The following SLC9A9 variants were observed in gnomAD, a reference collection of about 807,000 sequenced individuals.
SLC9A9 encodes sodium/hydrogen exchanger 9.
SLC9A9 carries 62 observed loss-of-function variants against 77.8 expected under a neutral mutation model. The observed-to-expected ratio is 0.80, with a 90% CI of 0.65 to 0.98. SLC9A9 has a LOEUF of 0.98. Among genes scored for constraint, SLC9A9 ranks in the 50% least tolerant of loss-of-function variants. The pLI, the probability that SLC9A9 is intolerant of heterozygous loss-of-function variation, is 0.00. For synonymous variants in SLC9A9, 320 were observed against 283.5 expected, an observed-to-expected ratio of 1.13 and a Z score of -1.29; for missense variants, 775 against 774.9, an observed-to-expected ratio of 1.00 and a Z score of 0.00.
At chr3:143,768,914 T>C (rs1000577130) in intron 4 of SLC9A9, among the ~76,000 whole-genome samples, 1 of 152,344 alleles carries the variant, frequency 6.6e-6, no homozygotes, top group East Asian at 1.9e-4. Flanking sequence ...AAAAATACAA[T>C]CAGATCTTTT....
chr3:143,786,518 C>T (rs1186640461), intron 4 of SLC9A9, among the ~76,000 whole-genome samples: 1 of 152,128 alleles, frequency 6.6e-6, no homozygotes, highest in Non-Finnish European at 1.5e-5. Context: ...TCTTTCACCT[C>T]TAAACTACAT....
Position 143,661,813 on chromosome 3 carries a change from C to T in SLC9A9, c.650-9453G>A, listed in dbSNP as rs546040015. The stretch of plus-strand genomic sequence containing the variant: ...ATGCTGGGATTACAGGTGTAAGCCA[C>T]TGTGTCCGGCCTCCTCTTTCTCAGC... On this transcript the variant is annotated intron_variant, in intron 5 of 15. Coordinates refer to ENST00000316549, the MANE Select transcript of SLC9A9 (RefSeq NM_173653.4). Among the ~76,000 whole-genome samples, 63 of 152,286 alleles carry T rather than the reference C, an allele frequency of 4.1e-4. No homozygotes were observed. The South Asian group carries it at 0.013, about 32-fold the overall frequency.
Position 143,655,142 on chromosome 3 carries a change from C to T in SLC9A9, c.650-2782G>A, listed in dbSNP as rs183636495. 1.3e-4 allele frequency among the ~76,000 whole-genome samples: 20 copies of T among 152,340 alleles called. No individual in the cohort carries two copies. In the East Asian group the frequency reaches 3.7e-3, roughly 28 times the overall value. On this transcript the variant is annotated intron_variant, in intron 5 of 15. Coordinates refer to ENST00000316549, the MANE Select transcript of SLC9A9 (RefSeq NM_173653.4). ...AATAGGTGAGTCAGGAAATTAGCCA[C>T]CCACTCTGCTGCTGAGCTTGGAGCT...
intron 12 of SLC9A9, among the ~76,000 whole-genome samples, chr3:143,395,130 C>T (rs1455868603): frequency 1.6e-4 from 25 of 152,250 alleles, no homozygotes; most frequent in South Asian, 4.1e-4. Context: ...AAAAAGAGCC[C>T]GCATTGCCAA....
At chr3:143,500,253 T>C (rs2108595915) in intron 9 of SLC9A9, among the ~76,000 whole-genome samples, 1 of 152,328 alleles carries the variant, frequency 6.6e-6, no homozygotes, top group Middle Eastern at 3.4e-3. Flanking sequence ...TACATTTTTG[T>C]ATTTTTTGGC....
At chr3:143,453,981 AGT>A (rs1449360595) in intron 12 of SLC9A9, among the ~76,000 whole-genome samples, 2 of 152,174 alleles carry the variant, frequency 1.3e-5, no homozygotes, top group African/African-American at 4.8e-5. Context: ...GTGAGGACAT[AGT>A]GTGTTTGTCC....
At chr3:143,767,376 A>ATGTGTGTGTG (rs142594079) in intron 4 of SLC9A9, among the ~76,000 whole-genome samples, 2,037 of 141,346 alleles carry the variant, frequency 0.014, 62 homozygotes, top group African/African-American at 0.048. Flanking sequence ...GTGTCTGTGT[A>ATGTGTGTGTG]TGTGTGTGTG....
chr3:143,578,724 C>T lies in SLC9A9; in HGVS notation c.756-1G>A, dbSNP rs765906650. On this transcript the variant is annotated splice_acceptor_variant, in intron 6 of 15. Coordinates refer to ENST00000316549, the MANE Select transcript of SLC9A9 (RefSeq NM_173653.4). LOFTEE classifies it high-confidence loss of function. ...CTTGGGACTGTAAATGGATATAGAA[C>T]TGAAAAGAGAAGAGGGTGGAGGTTA... 3 of 1,613,784 alleles carry T rather than the reference C, an allele frequency of 1.9e-6. No individual in the cohort carries two copies. Among genetic ancestry groups the T allele is most frequent in the African/African-American group, 1.3e-5 (1 of 74,874 alleles).
intron 12 of SLC9A9, among the ~76,000 whole-genome samples, chr3:143,408,578 T>A (rs759634954): frequency 6.6e-5 from 10 of 152,232 alleles, no homozygotes; most frequent in Admixed American, 3.3e-4. Context: ...GAGCAGGGTG[T>A]CTTTCAGATA....
At chr3:143,515,954 G>A (rs932758618) in intron 9 of SLC9A9, among the ~76,000 whole-genome samples, 2 of 152,198 alleles carry the variant, frequency 1.3e-5, no homozygotes, top group Non-Finnish European at 2.9e-5. Flanking sequence ...TAAAATTGGA[G>A]TGATCTATTC....
intron 8 of SLC9A9, among the ~76,000 whole-genome samples, chr3:143,570,647 T>C (rs2037241888): frequency 6.6e-6 from 1 of 152,140 alleles, no homozygotes; most frequent in African/African-American, 2.4e-5. Context: ...TTGGAAAACA[T>C]TCACTATAAA....
intron 4 of SLC9A9, among the ~76,000 whole-genome samples, chr3:143,765,538 A>G (rs566328613): frequency 3.3e-5 from 5 of 152,202 alleles, no homozygotes; most frequent in Non-Finnish European, 7.3e-5. Flanking sequence ...CATAATTTAT[A>G]TACTAGTTGT....
At chr3:143,632,948 G>A (rs1435521588) in intron 6 of SLC9A9, among the ~76,000 whole-genome samples, 1 of 152,162 alleles carries the variant, frequency 6.6e-6, no homozygotes, top group African/African-American at 2.4e-5. Flanking sequence ...CTGGTTGGTT[G>A]GCCAAAGATT....
At chr3:143,461,975 T>C (rs1484765948) in intron 12 of SLC9A9, among the ~76,000 whole-genome samples, 1 of 152,194 alleles carries the variant, frequency 6.6e-6, no homozygotes, top group East Asian at 1.9e-4. Flanking sequence ...ATGGCTGTTA[T>C]CTTAAAACTT....
intron 5 of SLC9A9, among the ~76,000 whole-genome samples, chr3:143,686,193 T>C (rs1225201184): frequency 6.6e-6 from 1 of 152,196 alleles, no homozygotes; most frequent in African/African-American, 2.4e-5. Flanking sequence ...AGTTTCTTCC[T>C]CAAGTTGTAT....
intron 14 of SLC9A9, among the ~76,000 whole-genome samples, chr3:143,328,615 C>T (rs1368390769): frequency 6.6e-6 from 1 of 152,202 alleles, no homozygotes; most frequent in African/African-American, 2.4e-5. Context: ...AACCTCCAAC[C>T]CTCCACCTGG....
intron 6 of SLC9A9, among the ~76,000 whole-genome samples, chr3:143,608,160 A>G (rs904079507): frequency 6.6e-6 from 1 of 152,224 alleles, no homozygotes; most frequent in Admixed American, 6.5e-5. Flanking sequence ...TAAAAGGATA[A>G]CAGAGCAGAC....
chr3:143,672,990 A>G (rs1239812879), intron 5 of SLC9A9, among the ~76,000 whole-genome samples: 1 of 152,226 alleles, frequency 6.6e-6, no homozygotes, highest in Non-Finnish European at 1.5e-5. Flanking sequence ...CAGATTATCA[A>G]CACCATCAAA....
intron 9 of SLC9A9, among the ~76,000 whole-genome samples, chr3:143,535,253 G>C (rs1187488501): frequency 6.6e-6 from 1 of 152,160 alleles, no homozygotes; most frequent in Non-Finnish European, 1.5e-5. Context: ...AAGTCTTAAA[G>C]ACAGGTTAAA....
Sources: allele counts gnomAD v4.1 joint callset (sites outside exome capture counted in the v4.1 genomes callset), GRCh38; gene constraint gnomAD v4.1.1; transcripts MANE v1.5; gene names NCBI Gene and HGNC (gene_info 2026-07-23, HGNC 2026-07-21).